The following FHOD3 variants were observed in gnomAD, a reference collection of about 807,000 sequenced individuals.
The protein encoded by FHOD3 is FH1/FH2 domain-containing protein 3.
Under a neutral mutation model 173.0 loss-of-function variants are expected in FHOD3, and 90 were observed. That is an observed-to-expected ratio of 0.52 (90% CI 0.44 to 0.62). The LOEUF (loss-of-function observed/expected upper bound fraction) is 0.62. Ranked by LOEUF, FHOD3 falls within the 20% of genes least tolerant of loss-of-function variation. The probability of loss-of-function intolerance (pLI) is 0.00; values close to 1 mark genes in which losing one functional copy is unlikely to be tolerated. For missense variants in FHOD3, 1,945 were observed against 2,034.7 expected, an observed-to-expected ratio of 0.96 and a Z score of 0.85; for synonymous variants, 828 against 823.0, an observed-to-expected ratio of 1.01 and a Z score of -0.10.
chr18:36,518,503 C>T (rs979535245), intron 5 of FHOD3, among the ~76,000 whole-genome samples: 1 of 152,184 alleles, frequency 6.6e-6, no homozygotes, highest in African/African-American at 2.4e-5. Context: ...TGTCTCTCCT[C>T]TTGCTGAGTG....
intron 18 of FHOD3, chr18:36,709,999 A>G (rs113688383): frequency 2.6e-5 from 4 of 152,550 alleles, no homozygotes; most frequent in African/African-American, 9.6e-5. Flanking sequence ...TTTTCTTTGT[A>G]TAAAGTATAT....
intron 28 of FHOD3, 35 bp from the exon 29 acceptor site, chr18:36,779,413 C>T: frequency 6.2e-7 from 1 of 1,604,290 alleles, no homozygotes; most frequent in Non-Finnish European, 8.5e-7. Context: ...CTTTTCTTCT[C>T]ATCCCTTTGG....
chr18:36,637,548 A>G (rs2034977435), intron 10 of FHOD3, among the ~76,000 whole-genome samples: 1 of 152,188 alleles, frequency 6.6e-6, no homozygotes, highest in African/African-American at 2.4e-5. Flanking sequence ...GAGGCACCGT[A>G]CTAGGCCCCA....
Position 36,744,213 on chromosome 18 carries a change from G to A in FHOD3, c.4041+20G>A. On this transcript the variant is annotated intron_variant, in intron 23 of 28. Transcript: ENST00000590592. ...GCCAAGGTATGTCTGTGGACGCTGA[G>A]GAGTGGGCCTGGTCTCGCTGCAGCC... The A allele has an allele frequency of 6.2e-7, 1 of 1,600,750 alleles. No individual in the cohort carries two copies. The highest frequency in any genetic ancestry group is 8.5e-7 in the Non-Finnish European group (1 of 1,172,410).
intron 3 of FHOD3, among the ~76,000 whole-genome samples, chr18:36,389,080 GGATCGT>G (rs1386722522): frequency 6.6e-6 from 1 of 152,138 alleles, no homozygotes; most frequent in Admixed American, 6.5e-5. Context: ...TGTTTTCTGA[GGATCGT>G]GATGATATAG....
At chr18:36,558,992 C>CT (rs150007854) in intron 5 of FHOD3, among the ~76,000 whole-genome samples, 11,219 of 152,202 alleles carry the variant, frequency 0.074, 529 homozygotes, top group South Asian at 0.21. Flanking sequence ...CTCTGACAAG[C>CT]TATTCTATTG....
chr18:36,724,916 C>T (rs2040979120), intron 19 of FHOD3, among the ~76,000 whole-genome samples: 1 of 152,264 alleles, frequency 6.6e-6, no homozygotes, highest in South Asian at 2.1e-4. Context: ...AAAACAGAGC[C>T]TGGCTGCTTC....
chr18:36,718,314 A>C lies in FHOD3; in HGVS notation c.3016A>C (p.Ile1006Leu), dbSNP rs751843910. Residue 1006 changes from isoleucine (I) to leucine (L), a missense_variant, in exon 19 of 29, where the codon ATT becomes CTT. Transcript: ENST00000590592. Reference protein sequence around the residue: ...DFTDLGEEDDIDVLDVDLGHR... With the variant: ...DFTDLGEEDDLDVLDVDLGHR... The stretch of plus-strand genomic sequence containing the variant: ...CACTGACCTGGGGGAGGAGGATGAC[A>C]TTGATGTCCTAGATGTGGACCTGGG... The C allele has an allele frequency of 3.7e-6, 6 of 1,614,068 alleles. No homozygotes were observed. The highest frequency in any genetic ancestry group is 5.1e-6 in the Non-Finnish European group (6 of 1,180,014).
intron 3 of FHOD3, among the ~76,000 whole-genome samples, chr18:36,431,910 G>A (rs1465237308): frequency 6.6e-6 from 1 of 152,176 alleles, no homozygotes; most frequent in Non-Finnish European, 1.5e-5. Context: ...GAGTGCAAAG[G>A]AAGCACATCA....
chr18:36,401,827 T>C (rs1255180276), intron 3 of FHOD3, among the ~76,000 whole-genome samples: 1 of 152,226 alleles, frequency 6.6e-6, no homozygotes, highest in African/African-American at 2.4e-5. Flanking sequence ...CATTACTGGC[T>C]AAGCAGACCT....
rs1487452472 is a variant in FHOD3, at chr18:36,297,731, G to A, written c.-105G>A. 1 of 899,950 alleles carries A rather than the reference G, an allele frequency of 1.1e-6. No homozygotes were observed. Among genetic ancestry groups the A allele is most frequent in the Admixed American group, 5.1e-5 (1 of 19,694 alleles). The allele number at this position is 899,950 out of a possible 1,614,324, so 55.7% of individuals were successfully genotyped here. On this transcript the variant is annotated 5_prime_UTR_variant, in exon 1 of 29. Coordinates refer to ENST00000590592, the MANE Select transcript of FHOD3 (RefSeq NM_001281740.3). ...CGCGCCTGAGCCTGCGAGTCCGCGAGCCAGCGAGCTGCGGCTGCGGCCTCC... is the reference window on the plus strand; with the variant it reads ...CGCGCCTGAGCCTGCGAGTCCGCGAACCAGCGAGCTGCGGCTGCGGCCTCC...
chr18:36,658,690 A>G (rs768683148), intron 14 of FHOD3, among the ~76,000 whole-genome samples: 9 of 152,228 alleles, frequency 5.9e-5, no homozygotes, highest in Non-Finnish European at 1.2e-4. Context: ...CCAGAAATTA[A>G]CTGATTATGA....
At chr18:36,439,135 T>C (rs902479279) in intron 3 of FHOD3, among the ~76,000 whole-genome samples, 3 of 152,366 alleles carry the variant, frequency 2.0e-5, no homozygotes, top group Non-Finnish European at 4.4e-5. Context: ...AAAGAAGTTA[T>C]GAAAAAGGCC....
At chr18:36,510,886 C>T (rs570671001) in intron 4 of FHOD3, among the ~76,000 whole-genome samples, 8 of 152,306 alleles carry the variant, frequency 5.3e-5, no homozygotes, top group East Asian at 1.9e-4. Context: ...ACCCTTCCCC[C>T]CAGGTCAGCT....
intron 16 of FHOD3, among the ~76,000 whole-genome samples, chr18:36,690,562 C>G (rs644056): frequency 0.67 from 101,392 of 151,884 alleles, 33,968 homozygotes; most frequent in Non-Finnish European, 0.68. Flanking sequence ...GGAGGTTCTT[C>G]TGGGGCAGGA....
At chr18:36,558,998 T>C (rs1309441177) in intron 5 of FHOD3, among the ~76,000 whole-genome samples, 2 of 152,146 alleles carry the variant, frequency 1.3e-5, no homozygotes, top group Non-Finnish European at 2.9e-5. Flanking sequence ...CAAGCTATTC[T>C]ATTGTCACCA....
intron 1 of FHOD3, among the ~76,000 whole-genome samples, chr18:36,348,904 C>T (rs1568155137): frequency 2.0e-5 from 3 of 152,334 alleles, no homozygotes; most frequent in South Asian, 4.1e-4. Flanking sequence ...CTCTCACCCA[C>T]CTGCCATCCA....
intron 19 of FHOD3, among the ~76,000 whole-genome samples, chr18:36,728,744 G>A (rs1014459837): frequency 6.6e-6 from 1 of 152,322 alleles, no homozygotes; most frequent in Admixed American, 6.5e-5. Flanking sequence ...CGGTCCCTGG[G>A]GCTACAGCAG....
rs2035124951 is a variant in FHOD3 at position 36,639,410 on chromosome 18, C to T, written c.1197-9906C>T. Among the ~76,000 whole-genome samples, 3 of 152,258 alleles carry T rather than the reference C, an allele frequency of 2.0e-5. No homozygotes were observed. In the South Asian group the frequency reaches 6.2e-4, roughly 32 times the overall value. ...AAAAAAGGCAGGGTGTGGTGGCTCA[C>T]CTCTGTAATCCCAGCAATTTGGGAG... On this transcript the variant is annotated intron_variant, in intron 10 of 28. Coordinates refer to ENST00000590592, the MANE Select transcript of FHOD3 (RefSeq NM_001281740.3).
Sources: allele counts gnomAD v4.1 joint callset (sites outside exome capture counted in the v4.1 genomes callset), GRCh38; gene constraint gnomAD v4.1.1; transcripts MANE v1.5; gene names NCBI Gene and HGNC (gene_info 2026-07-23, HGNC 2026-07-21).